SLC35B2: variants seen among roughly 807,000 people sequenced by gnomAD.
The protein encoded by SLC35B2 is solute carrier family 35 member B2, also known as adenosine 3'-phospho 5'-phosphosulfate transporter 1.
In SLC35B2, 19 loss-of-function variants were observed where a neutral mutation model predicts 37.9. That is an observed-to-expected ratio of 0.50 (90% CI 0.35 to 0.74). The LOEUF is 0.74. SLC35B2 is among the 30% of genes least tolerant of loss of function. The probability of loss-of-function intolerance (pLI) is 0.01; values close to 1 mark genes in which losing one functional copy is unlikely to be tolerated. For synonymous variants in SLC35B2, 277 were observed against 225.2 expected (o/e 1.23, Z -2.06); for missense variants, 633 against 547.6 (o/e 1.16, Z -1.56).
In SLC35B2 at chr6:44,254,645, ACAG is replaced by A. The variant is rs1014320382; in HGVS notation, c.*58_*60del. 6.5e-7 allele frequency: 1 copy of A among 1,528,970 alleles called. No homozygotes were observed. The allele number at this position is 1,528,970 out of a possible 1,614,324, so 94.7% of individuals were successfully genotyped here. A position where few individuals can be genotyped will look rare whatever the true frequency, so the allele number is the denominator to read the frequency against. ...CTTTCAGCCAGCTCCCTCAGAGGTT[ACAG>A]CAGAAGGGGATGGTGGGAGGGTCCT... On this transcript the variant is annotated 3_prime_UTR_variant, in exon 4 of 4. Coordinates refer to ENST00000393812, the MANE Select transcript of SLC35B2 (RefSeq NM_178148.4).
chr6:44,256,402 C>T lies in SLC35B2; in HGVS notation c.300G>A (p.Ala100=), dbSNP rs1280002429. 4 of 1,614,050 alleles carry T rather than the reference C, an allele frequency of 2.5e-6. No homozygotes were observed. Among genetic ancestry groups the T allele is most frequent in the East Asian group, 2.2e-5 (1 of 44,884 alleles). Residue 100 remains alanine (A), a synonymous_variant, in exon 3 of 4, where the codon GCG becomes GCA. Transcript: ENST00000393812. ...DEVPLAPRTE[A]AETTPMWQAL... The stretch of plus-strand genomic sequence containing the variant: ...CCTGCCACATCGGGGTGGTCTCTGC[C>T]GCCTCTGTTCGGGGCGCCAGGGGAA...
chr6:44,256,961 C>T (rs1781584860), intron 1 of SLC35B2, 83 bp from the exon 2 acceptor site: 1 of 1,381,772 alleles, frequency 7.2e-7, no homozygotes. Flanking sequence ...GGAGTAGTGC[C>T]CGGAGTCTCC....
At position 44,257,527 on chromosome 6, in the gene SLC35B2, G is replaced by A; in HGVS notation, c.-117C>T. ...GCCAGCGAGCCAGCGGCCAGCGGAA[G>A]TGCCGCGCTCTTCCCGCCTCCCTCC... On this transcript the variant is annotated 5_prime_UTR_variant, in exon 1 of 4. Coordinates refer to ENST00000393812, the MANE Select transcript of SLC35B2 (RefSeq NM_178148.4). 3.9e-6 allele frequency: 4 copies of A among 1,035,652 alleles called. No individual in the cohort carries two copies. The highest frequency in any genetic ancestry group is 4.9e-6 in the Non-Finnish European group (4 of 811,216). The allele number at this position is 1,035,652 out of a possible 1,614,324, so 64.2% of individuals were successfully genotyped here.
rs200194380 is a variant in SLC35B2 at position 44,254,767 on chromosome 6, C to T, written c.1238G>A (p.Gly413Asp). The stretch of plus-strand genomic sequence containing the variant: ...CTTCTTTCCCCGTTGCTTTAGACGG[C>T]CCCGCGCGTAGACTCTGAGCAGGAG... ...AALLLRVYAR[G>D]RLKQRGKKAV... Residue 413 changes from glycine to aspartate, a missense_variant, in exon 4 of 4, where the codon GGC (glycine) becomes GAC (aspartate). Transcript: ENST00000393812. 7.4e-6 allele frequency: 12 copies of T among 1,614,170 alleles called. No homozygotes were observed. In the East Asian group the frequency reaches 2.0e-4, roughly 27 times the overall value.
chr6:44,257,289 G>A, intron 1 of SLC35B2, 111 bp downstream of exon 1: 1 of 1,206,966 alleles, frequency 8.3e-7, no homozygotes, highest in Non-Finnish European at 1.1e-6. Context: ...GCAGCGATAT[G>A]CTGGCCGACG....
rs374004748 is a variant in SLC35B2, at chr6:44,255,637, T to G, written c.368A>C (p.Tyr123Ser). 6.2e-7 allele frequency: 1 copy of G among 1,610,894 alleles called. No homozygotes were observed. The highest frequency in any genetic ancestry group is 8.5e-7 in the Non-Finnish European group (1 of 1,178,094). ...TTCCTGCAGCACACCCCAAGTCAGA[T>G]AAGACACCTGTTGGGGAAGGTAGAG... ...LFCATGLQVSYLTWGVLQERV... is the reference protein window; with the variant it reads ...LFCATGLQVSSLTWGVLQERV... Residue 123 changes from tyrosine (Y) to serine (S), a missense_variant, in exon 4 of 4, where the codon TAT becomes TCT. Coordinates refer to ENST00000393812, the MANE Select transcript of SLC35B2 (RefSeq NM_178148.4).
In SLC35B2 at chr6:44,254,268, C is replaced by T. The variant is rs1259416681; in HGVS notation, c.*438G>A. 4.9e-6 allele frequency: 1 copy of T among 204,064 alleles called. No individual in the cohort carries two copies. Among genetic ancestry groups the T allele is most frequent in the Non-Finnish European group, 1.0e-5 (1 of 98,284 alleles). 12.6% of individuals were successfully genotyped at this position (204,064 alleles called of 1,614,324 possible). A position where few individuals can be genotyped will look rare whatever the true frequency, so the allele number is the denominator to read the frequency against. The stretch of plus-strand genomic sequence containing the variant: ...TGCATCCCCTTTCCTCAGCACAGCA[C>T]CATCTTCACCCTCCTGGGAAAGCAG... On this transcript the variant is annotated 3_prime_UTR_variant, in exon 4 of 4. Coordinates refer to ENST00000393812, the MANE Select transcript of SLC35B2 (RefSeq NM_178148.4).
At chr6:44,256,235 A>C (rs1282708332) in intron 3 of SLC35B2, 107 bp downstream of exon 3, 9 of 1,444,252 alleles carry the variant, frequency 6.2e-6, no homozygotes, top group Non-Finnish European at 7.5e-6. Context: ...GGAGGACACG[A>C]AACACACCAG....
chr6:44,255,130 A>T lies in SLC35B2; in HGVS notation c.875T>A (p.Leu292Gln). 1 of 1,614,128 alleles carries T rather than the reference A, an allele frequency of 6.2e-7. No homozygotes were observed. The stretch of plus-strand genomic sequence containing the variant: ...CACCGATGACATCTTATAGGCAAAC[A>T]GGGCATCCTGCCAGTTTGAGGTGAA... ...DSFTSNWQDA[L>Q]FAYKMSSVQM... The change falls in exon 4 of 4, where the codon CTG becomes CAG. Residue 292 changes from leucine (L) to glutamine (Q), a missense_variant. By Grantham distance (113) the Leu-to-Gln change is moderately radical (BLOSUM62 -2). Coordinates refer to ENST00000393812, the MANE Select transcript of SLC35B2 (RefSeq NM_178148.4).
At chr6:44,257,055 T>G in intron 1 of SLC35B2, 177 bp from the exon 2 acceptor site, 1 of 734,812 alleles carries the variant, frequency 1.4e-6, no homozygotes, top group Non-Finnish European at 2.1e-6. Context: ...GCGCCGGCGC[T>G]GGCCAGGCAG....
Position 44,254,928 on chromosome 6 carries a change from A to G in SLC35B2, c.1077T>C (p.Ile359=). 2 of 1,614,154 alleles carry G rather than the reference A, an allele frequency of 1.2e-6. No individual in the cohort carries two copies. The highest frequency in any genetic ancestry group is 1.1e-5 in the South Asian group (1 of 91,076). ...TGAAGACGGCAGCCCCAAACTGCCC[A>G]ATGGTGTAAAAGATGAAGAGCTGGC... ...ACGQLFIFYT[I]GQFGAAVFTI... The change falls in exon 4 of 4, where the codon ATT becomes ATC. Residue 359 remains isoleucine, a synonymous_variant. Transcript: ENST00000393812.
In SLC35B2 at chr6:44,254,716, T is replaced by G; in HGVS notation, c.1289A>C (p.Gln430Pro). 1 of 1,610,614 alleles carries G rather than the reference T, an allele frequency of 6.2e-7. No individual in the cohort carries two copies. The highest frequency in any genetic ancestry group is 8.5e-7 in the Non-Finnish European group (1 of 1,177,368). ...AGGCCCTTTCCACCCTCAAACCTTC[T>G]GCACAGGAGACTCAACAGGCACAGC... is the stretch of plus-strand genomic sequence containing the variant. ...KKAVPVESPVQKV is the reference protein window; with the variant it reads ...KKAVPVESPVPKV Residue 430 changes from glutamine to proline, a missense_variant, in exon 4 of 4, where the codon CAG (glutamine) becomes CCG (proline). Coordinates refer to ENST00000393812, the MANE Select transcript of SLC35B2 (RefSeq NM_178148.4).
In SLC35B2 at chr6:44,256,439, G is replaced by A. The variant is rs771352422; in HGVS notation, c.263C>T (p.Ala88Val). 10 of 1,614,078 alleles carry A rather than the reference G, an allele frequency of 6.2e-6. No individual in the cohort carries two copies. The highest frequency in any genetic ancestry group is 8.5e-6 in the Non-Finnish European group (10 of 1,180,050). Residue 88 changes from alanine to valine, a missense_variant, in exon 3 of 4, where the codon GCC becomes GTC. Coordinates refer to ENST00000393812, the MANE Select transcript of SLC35B2 (RefSeq NM_178148.4). ...KACVFGNEPK[A>V]SDEVPLAPRT... ...GGGCGCCAGGGGAACCTCATCAGAG[G>A]CCTTGGGCTCATTGCCAAACACACA...
intron 1 of SLC35B2, 115 bp downstream of exon 1, chr6:44,257,285 A>T (rs906291339): frequency 6.8e-6 from 8 of 1,172,246 alleles, no homozygotes; most frequent in Non-Finnish European, 8.8e-6. Context: ...CCGGGCAGCG[A>T]TATGCTGGCC....
chr6:44,256,006 G>GGGTTTACAGTATGTGAGACACCAGTGCA (rs143847839), intron 3 of SLC35B2, among the ~76,000 whole-genome samples: 22,750 of 151,554 alleles, frequency 0.15, 1,813 homozygotes, highest in Middle Eastern at 0.23. Context: ...TTTTATCAGT[G>GGGTTTACAGTATGTGAGACACCAGTGCA]GGTTTACAGT....
intron 1 of SLC35B2, 85 bp from the exon 2 acceptor site, chr6:44,256,963 G>A (rs1781585810): frequency 5.1e-6 from 7 of 1,375,266 alleles, no homozygotes; most frequent in Non-Finnish European, 6.8e-6. Context: ...AGTAGTGCCC[G>A]GAGTCTCCTC....
In SLC35B2 at chr6:44,255,052, A is replaced by AGT; in HGVS notation, c.951_952dup (p.Leu318HisfsTer3). ...CTCCAGTAGGGCCCCCTGTTCTAGC[A>AGT]GTGAGCCCACTGTGAAGAGGCAGGA... On this transcript the variant is annotated frameshift_variant, in exon 4 of 4. Transcript: ENST00000393812. LOFTEE classifies it high-confidence loss of function. The AGT allele has an allele frequency of 6.2e-7, 1 of 1,614,242 alleles. No individual in the cohort carries two copies. The highest frequency in any genetic ancestry group is 8.5e-7 in the Non-Finnish European group (1 of 1,180,040).
Position 44,257,427 on chromosome 6 carries a change from G to T in SLC35B2, c.-17C>A. 1 of 1,257,826 alleles carries T rather than the reference G, an allele frequency of 8.0e-7. No homozygotes were observed. The allele number at this position is 1,257,826 out of a possible 1,614,324, so 77.9% of individuals were successfully genotyped here. A position where few individuals can be genotyped will look rare whatever the true frequency, so the allele number is the denominator to read the frequency against. Reference sequence around the variant, plus strand: ...GGCGTCCATGGTCCAGGCCGCGTGGGGTGGAGGGGGAACCGGGGAATGCGA... The same window carrying T: ...GGCGTCCATGGTCCAGGCCGCGTGGTGTGGAGGGGGAACCGGGGAATGCGA... On this transcript the variant is annotated 5_prime_UTR_variant, in exon 1 of 4. Coordinates refer to ENST00000393812, the MANE Select transcript of SLC35B2 (RefSeq NM_178148.4).
At chr6:44,257,012 C>CCT (rs36092647) in intron 1 of SLC35B2, 134 bp from the exon 2 acceptor site, 113,027 of 793,968 alleles carry the variant, frequency 0.14, 3,776 homozygotes, top group East Asian at 0.31. Flanking sequence ...GGACAAAGAG[C>CCT]CTCTCTCTCT....
Sources: allele counts gnomAD v4.1 joint callset (sites outside exome capture counted in the v4.1 genomes callset), GRCh38; gene constraint gnomAD v4.1.1; transcripts MANE v1.5; gene names NCBI Gene and HGNC (gene_info 2026-07-23, HGNC 2026-07-21).